ADORA2B: variants seen among roughly 807,000 people sequenced by gnomAD.
ADORA2B encodes the protein adenosine A2b receptor.
ADORA2B carries 18 observed loss-of-function variants against 20.8 expected under a neutral mutation model. The ratio of observed to expected loss-of-function variants is 0.87; its 90% CI spans 0.60 to 1.29. The LOEUF (loss-of-function observed/expected upper bound fraction) is 1.29, where lower values mean the gene tolerates loss of function less well. Among genes scored for constraint, ADORA2B ranks in the 50% most tolerant of loss-of-function variants. ADORA2B has a pLI of 0.00. For synonymous variants in ADORA2B, 179 were observed against 178.3 expected, an observed-to-expected ratio of 1.00 and a Z score of -0.03; for missense variants, 441 against 422.7, an observed-to-expected ratio of 1.04 and a Z score of -0.38.
At chr17:15,860,522 A>G in the ADORA2B span, among the ~76,000 whole-genome samples, 2 of 152,000 alleles carry the variant, frequency 1.3e-5, no homozygotes, top group Non-Finnish European at 2.9e-5. Flanking sequence ...GGGGGCAGGT[A>G]ATGTCTTTCC....
chr17:15,955,863 C>T (rs1263100415), intron 1 of ADORA2B, among the ~76,000 whole-genome samples: 3 of 151,798 alleles, frequency 2.0e-5, no homozygotes, highest in African/African-American at 4.8e-5. Context: ...GGATTACAGG[C>T]GTGCACCACC....
At chr17:15,914,983 G>T in the ADORA2B span, among the ~76,000 whole-genome samples, 1 of 152,194 alleles carries the variant, frequency 6.6e-6, no homozygotes, top group Non-Finnish European at 1.5e-5. Flanking sequence ...GCTTTCTGTG[G>T]CTGTTGTAAC....
At chr17:15,893,718 A>G in the ADORA2B span, among the ~76,000 whole-genome samples, 1 of 152,234 alleles carries the variant, frequency 6.6e-6, no homozygotes, top group African/African-American at 2.4e-5. Context: ...GTGTCTATTA[A>G]CACATTAAAG....
chr17:15,947,665 T>C (rs1461502875), intron 1 of ADORA2B, among the ~76,000 whole-genome samples: 3 of 152,272 alleles, frequency 2.0e-5, no homozygotes, highest in East Asian at 3.9e-4. Context: ...ACCCCAACCC[T>C]GGTGGGTGGG....
At chr17:15,968,046 G>A (rs1338967078) in intron 1 of ADORA2B, among the ~76,000 whole-genome samples, 2 of 152,180 alleles carry the variant, frequency 1.3e-5, no homozygotes, top group Non-Finnish European at 2.9e-5. Flanking sequence ...ATCAAACAAG[G>A]TAGATCAGAG....
rs1970247052 is a variant in ADORA2B, at chr17:15,975,576, C to G, written c.*234C>G. 1 of 525,676 alleles carries G rather than the reference C, an allele frequency of 1.9e-6. No homozygotes were observed. The allele number at this position is 525,676 out of a possible 1,614,324, so 32.6% of individuals were successfully genotyped here. A position where few individuals can be genotyped will look rare whatever the true frequency, so the allele number is the denominator to read the frequency against. On this transcript the variant is annotated 3_prime_UTR_variant, in exon 2 of 2. Coordinates refer to ENST00000304222, the MANE Select transcript of ADORA2B (RefSeq NM_000676.4). ...GCTGCTTTTACTGTGTGGATTATGC[C>G]AACAGCTTGAATGGATTCTAACAGA...
chr17:15,954,741 TG>T (rs1386363561), intron 1 of ADORA2B, among the ~76,000 whole-genome samples: 4 of 152,230 alleles, frequency 2.6e-5, no homozygotes, highest in Non-Finnish European at 5.9e-5. Flanking sequence ...CACTCCATCC[TG>T]GGCAACAGAG....
At chr17:15,889,463 A>G in the ADORA2B span, among the ~76,000 whole-genome samples, 1 of 130,828 alleles carries the variant, frequency 7.6e-6, no homozygotes, top group Admixed American at 7.5e-5. Flanking sequence ...AGTGAAAAAC[A>G]TAAGTACCTA....
At chr17:15,957,918 G>A (rs1969988495) in intron 1 of ADORA2B, among the ~76,000 whole-genome samples, 1 of 151,896 alleles carries the variant, frequency 6.6e-6, no homozygotes, top group African/African-American at 2.4e-5. Context: ...CACCACTGCT[G>A]AGTGTTTTTT....
the ADORA2B span, among the ~76,000 whole-genome samples, chr17:15,907,662 C>T: frequency 6.6e-6 from 1 of 152,134 alleles, no homozygotes; most frequent in African/African-American, 2.4e-5. Context: ...AATCACCAAA[C>T]TGACAACAAC....
chr17:15,892,978 T>C, the ADORA2B span, among the ~76,000 whole-genome samples: 1 of 152,214 alleles, frequency 6.6e-6, no homozygotes, highest in Admixed American at 6.5e-5. Flanking sequence ...TCCTGCTGCA[T>C]TATTCATGAG....
At chr17:15,895,400 G>A in the ADORA2B span, among the ~76,000 whole-genome samples, 2 of 152,158 alleles carry the variant, frequency 1.3e-5, no homozygotes, top group Admixed American at 1.3e-4. Flanking sequence ...TGGGGGAAAG[G>A]TTGTATTTAT....
chr17:15,955,647 A>G (rs932405506), intron 1 of ADORA2B, among the ~76,000 whole-genome samples: 2 of 150,086 alleles, frequency 1.3e-5, no homozygotes, highest in African/African-American at 4.9e-5. Context: ...ACCTCAAGTG[A>G]TCCACTCACC....
At chr17:15,969,744 C>T (rs1387854559) in intron 1 of ADORA2B, among the ~76,000 whole-genome samples, 3 of 152,234 alleles carry the variant, frequency 2.0e-5, no homozygotes, top group Non-Finnish European at 4.4e-5. Context: ...GACGTTGTCT[C>T]GAGTCAACTA....
chr17:15,878,766 T>C, the ADORA2B span, among the ~76,000 whole-genome samples: 4 of 152,334 alleles, frequency 2.6e-5, no homozygotes, highest in Non-Finnish European at 5.9e-5. Flanking sequence ...CTGTTTTGAA[T>C]TTACTGAGTT....
rs148966893 is a variant in ADORA2B at position 15,973,407 on chromosome 17, G to A, written c.336-1272G>A. 2.6e-4 allele frequency among the ~76,000 whole-genome samples: 40 copies of A among 152,238 alleles called. No individual in the cohort carries two copies. In the East Asian group the frequency reaches 5.2e-3, roughly 20 times the overall value. On this transcript the variant is annotated intron_variant, in intron 1 of 1. Coordinates refer to ENST00000304222, the MANE Select transcript of ADORA2B (RefSeq NM_000676.4). The stretch of plus-strand genomic sequence containing the variant: ...ATCTGAGTCTGTTAAAATTTAGTAG[G>A]GATCTCTGTGTGTTCTGTTCACTGA...
chr17:15,871,829 A>G, the ADORA2B span, among the ~76,000 whole-genome samples: 8 of 152,260 alleles, frequency 5.3e-5, no homozygotes, highest in Non-Finnish European at 1.0e-4. Flanking sequence ...CTTTGCGTAT[A>G]TGGCTTTGTG....
the ADORA2B span, among the ~76,000 whole-genome samples, chr17:15,927,095 C>A: frequency 6.6e-6 from 1 of 152,078 alleles, no homozygotes; most frequent in Admixed American, 6.5e-5. Context: ...GCCTGTAATC[C>A]CAGCACTTTG....
At chr17:15,851,289 G>A in the ADORA2B span, among the ~76,000 whole-genome samples, 2 of 150,192 alleles carry the variant, frequency 1.3e-5, no homozygotes, top group South Asian at 2.2e-4. Flanking sequence ...TGTCCACTGA[G>A]CTTCCAGGAA....
Sources: gnomAD v4.1 joint callset for allele counts (sites outside exome capture counted in the v4.1 genomes callset) on GRCh38, gnomAD v4.1.1 for gene constraint, MANE v1.5 for transcripts, NCBI Gene and HGNC (gene_info 2026-07-23, HGNC 2026-07-21) for gene names.